Variants in LRRN1 observed in about 807,000 individuals in gnomAD.
LRRN1 encodes the protein leucine rich repeat neuronal 1.
In LRRN1, 14 loss-of-function variants were observed where a neutral mutation model predicts 45.8. That is an observed-to-expected ratio of 0.31 (90% CI 0.20 to 0.48). LRRN1 has a LOEUF of 0.48. LRRN1 is among the 20% of genes least tolerant of loss of function. LRRN1 has a pLI of 0.99. For synonymous variants in LRRN1, 359 were observed against 330.1 expected (o/e 1.09, Z -0.95); for missense variants, 789 against 874.2 (o/e 0.90, Z 1.23).
chr3:3,846,465 A>G lies in LRRN1; in HGVS notation c.1824A>G (p.Ser608=), dbSNP rs1381111961. The G allele has an allele frequency of 1.9e-6, 3 of 1,614,090 alleles. No individual in the cohort carries two copies. The highest frequency in any genetic ancestry group is 2.7e-5 in the African/African-American group (2 of 74,940). Residue 608 remains serine (S), a synonymous_variant, in exon 2 of 2, where the codon TCA becomes TCG. Coordinates refer to ENST00000319331, the MANE Select transcript of LRRN1 (RefSeq NM_020873.7). This position sits in a 1 kb window ranked among gnomAD's most constrained non-coding sequence, Gnocchi z 5.7. The part of the protein sequence containing the change: ...VSNIHQQTQK[S]CVNVTTKNAA... ...ATATTCATCAGCAGACTCAAAAGTC[A>G]TGCGTAAATGTCACAACCAAAAATG...
Position 3,845,035 on chromosome 3 carries a change from A to G in LRRN1, c.394A>G (p.Thr132Ala), listed in dbSNP as rs756260835. Residue 132 changes from threonine to alanine, a missense_variant, in exon 2 of 2, where the codon ACC becomes GCC. Transcript: ENST00000319331. This position sits in a 1 kb window ranked among gnomAD's most constrained non-coding sequence, Gnocchi z 6.5. The stretch of plus-strand genomic sequence containing the variant: ...GCTGCATTTGGAGGAAAATCAGATT[A>G]CCGAGATGACTGATTACTGTCTACA... Reference protein sequence around the residue: ...TTLHLEENQITEMTDYCLQDL... With the variant: ...TTLHLEENQIAEMTDYCLQDL... 1 of 1,614,176 alleles carries G rather than the reference A, an allele frequency of 6.2e-7. No individual in the cohort carries two copies. The highest frequency in any genetic ancestry group is 1.7e-5 in the Admixed American group (1 of 60,018).
At chr3:3,823,594 C>T (rs953910191) in intron 1 of LRRN1, among the ~76,000 whole-genome samples, 2 of 152,058 alleles carry the variant, frequency 1.3e-5, no homozygotes, top group East Asian at 3.9e-4. Flanking sequence ...ATCCACTGCT[C>T]AAGACATGTT....
chr3:3,841,429 C>T (rs1693651834), intron 1 of LRRN1, among the ~76,000 whole-genome samples: 1 of 152,070 alleles, frequency 6.6e-6, no homozygotes, highest in Non-Finnish European at 1.5e-5. Context: ...GTGGCCAGTG[C>T]ACCTGTTTCA....
intron 1 of LRRN1, among the ~76,000 whole-genome samples, chr3:3,843,871 T>A (rs1305740973): frequency 2.0e-5 from 3 of 152,204 alleles, no homozygotes; most frequent in Non-Finnish European, 2.9e-5. Context: ...AACTAAAAAT[T>A]AGCTTTGAGT....
chr3:3,808,169 A>C (rs1190288180), intron 1 of LRRN1, among the ~76,000 whole-genome samples: 1 of 152,004 alleles, frequency 6.6e-6, no homozygotes, highest in Non-Finnish European at 1.5e-5. Context: ...TTAGTGATCG[A>C]GAGGAAAATA....
intron 1 of LRRN1, among the ~76,000 whole-genome samples, chr3:3,832,358 G>A (rs1380028642): frequency 2.6e-5 from 4 of 152,206 alleles, no homozygotes. Context: ...TGCCAAGTAT[G>A]TCTATGCCAA....
chr3:3,834,525 G>GAGATATATATATATATATATATATATAT (rs750534210), intron 1 of LRRN1, among the ~76,000 whole-genome samples: 2 of 27,310 alleles, frequency 7.3e-5, no homozygotes, highest in African/African-American at 1.7e-4. Context: ...GACAGAACAG[G>GAGATATATATATATATATATATATATAT]ATATATATAT....
intron 1 of LRRN1, among the ~76,000 whole-genome samples, chr3:3,831,158 G>A (rs1693364650): frequency 6.6e-6 from 1 of 152,160 alleles, no homozygotes; most frequent in South Asian, 2.1e-4. Flanking sequence ...CAGTTCACTT[G>A]ATAAATGGGC....
intron 1 of LRRN1, among the ~76,000 whole-genome samples, chr3:3,820,789 T>G (rs1291845041): frequency 6.6e-6 from 1 of 152,222 alleles, no homozygotes; most frequent in African/African-American, 2.4e-5. Flanking sequence ...CTGTGTTAAG[T>G]GCAGTACCTA....
chr3:3,842,882 C>A (rs965625076), intron 1 of LRRN1, among the ~76,000 whole-genome samples: 1 of 152,190 alleles, frequency 6.6e-6, no homozygotes, highest in Non-Finnish European at 1.5e-5. Flanking sequence ...GAACCACTAA[C>A]TACTAATATT....
At chr3:3,801,117 G>T (rs921867188) in intron 1 of LRRN1, 2 of 152,350 alleles carry the variant, frequency 1.3e-5, no homozygotes, top group African/African-American at 4.8e-5. Flanking sequence ...CTCGCTTGCC[G>T]TGTCCACCGC....
At chr3:3,838,908 C>T (rs1168842249) in intron 1 of LRRN1, among the ~76,000 whole-genome samples, 2 of 152,054 alleles carry the variant, frequency 1.3e-5, no homozygotes, top group East Asian at 3.9e-4. Context: ...TGGATATTAA[C>T]CCTTTATCAT....
Position 3,849,364 on chromosome 3 carries a change from G to C in LRRN1, c.*2572G>C, listed in dbSNP as rs1231821955. The stretch of plus-strand genomic sequence containing the variant: ...TACATTTTTCTTCAGTAAAGTACTG[G>C]AACTTACTTTTCCCTGTCTGTGCTA... On this transcript the variant is annotated 3_prime_UTR_variant, in exon 2 of 2. Transcript: ENST00000319331. 6.6e-6 allele frequency among the ~76,000 whole-genome samples: 1 copy of C among 152,130 alleles called. No individual in the cohort carries two copies. The highest frequency in any genetic ancestry group is 2.4e-5 in the African/African-American group (1 of 41,430).
intron 1 of LRRN1, among the ~76,000 whole-genome samples, chr3:3,841,666 G>C (rs912227062): frequency 1.3e-5 from 2 of 151,924 alleles, no homozygotes; most frequent in Non-Finnish European, 2.9e-5. Context: ...TTACAGGCAC[G>C]TACCACCACG....
intron 1 of LRRN1, among the ~76,000 whole-genome samples, chr3:3,831,339 G>C (rs764529684): frequency 7.9e-5 from 12 of 152,206 alleles, no homozygotes; most frequent in Non-Finnish European, 1.5e-4. Context: ...ATTTTACTGA[G>C]GGGGAAGATT....
intron 1 of LRRN1, among the ~76,000 whole-genome samples, chr3:3,813,749 G>C (rs1692930269): frequency 6.6e-6 from 1 of 152,156 alleles, no homozygotes; most frequent in Non-Finnish European, 1.5e-5. Flanking sequence ...CCAGGATGCA[G>C]AGTGAACTGT....
intron 1 of LRRN1, among the ~76,000 whole-genome samples, chr3:3,834,476 C>T (rs1308416743): frequency 1.6e-5 from 2 of 122,786 alleles, no homozygotes; most frequent in African/African-American, 5.9e-5. Flanking sequence ...TTTAGAACCA[C>T]TCCTGGTACC....
chr3:3,847,678 C>T lies in LRRN1; in HGVS notation c.*886C>T, dbSNP rs1450711770. On this transcript the variant is annotated 3_prime_UTR_variant, in exon 2 of 2. Coordinates refer to ENST00000319331, the MANE Select transcript of LRRN1 (RefSeq NM_020873.7). ...CTAGTTGCAGTGGTAATATTTTTCA[C>T]ATCCATAAAAACAACTACCAAAATA... 9 of 166,828 alleles carry T rather than the reference C, an allele frequency of 5.4e-5. No homozygotes were observed. The highest frequency in any genetic ancestry group is 8.8e-5 in the Non-Finnish European group (6 of 68,104). 10.3% of individuals were successfully genotyped at this position (166,828 alleles called of 1,614,324 possible).
intron 1 of LRRN1, among the ~76,000 whole-genome samples, chr3:3,839,739 T>C (rs1693606781): frequency 6.6e-6 from 1 of 152,170 alleles, no homozygotes; most frequent in African/African-American, 2.4e-5. Context: ...TTCTTTCTGA[T>C]ACTTTTGTAA....
Sources: allele counts gnomAD v4.1 joint callset (sites outside exome capture counted in the v4.1 genomes callset), GRCh38; gene constraint gnomAD v4.1.1; non-coding constraint Gnocchi (gnomAD v3.1); transcripts MANE v1.5; gene names NCBI Gene and HGNC (gene_info 2026-07-23, HGNC 2026-07-21).